The following DUSP16 variants were observed in gnomAD, a reference collection of about 807,000 sequenced individuals.
DUSP16 encodes dual specificity phosphatase 16.
A neutral mutation model predicts 58.3 loss-of-function variants in DUSP16; 21 were observed. That is an observed-to-expected ratio of 0.36 (90% CI 0.26 to 0.52). The LOEUF (loss-of-function observed/expected upper bound fraction) is 0.52, where lower values mean the gene tolerates loss of function less well. DUSP16 is among the 20% of genes least tolerant of loss of function. DUSP16 has a pLI of 0.94. For synonymous variants in DUSP16, 320 were observed against 323.8 expected (o/e 0.99, Z 0.12); for missense variants, 726 against 819.0 (o/e 0.89, Z 1.39).
intron 5 of DUSP16, among the ~76,000 whole-genome samples, chr12:12,484,439 T>C (rs1461940584): frequency 6.6e-6 from 1 of 152,126 alleles, no homozygotes; most frequent in African/African-American, 2.4e-5. Context: ...AGCAAAGTTA[T>C]TCATATTCTC....
At chr12:12,479,832 C>T (rs1376862349) in intron 6 of DUSP16, among the ~76,000 whole-genome samples, 1 of 152,122 alleles carries the variant, frequency 6.6e-6, no homozygotes, top group African/African-American at 2.4e-5. Context: ...CCCAGCAATC[C>T]AAAGTTTGAA....
chr12:12,527,272 A>C (rs1356087358), intron 1 of DUSP16, among the ~76,000 whole-genome samples: 1 of 152,238 alleles, frequency 6.6e-6, no homozygotes, highest in Admixed American at 6.5e-5. Flanking sequence ...GGCTTTCAAT[A>C]ACAGGAAAAA....
intron 1 of DUSP16, among the ~76,000 whole-genome samples, chr12:12,556,165 A>C (rs1944802864): frequency 6.6e-6 from 1 of 152,224 alleles, no homozygotes; most frequent in Admixed American, 6.5e-5. Context: ...TTGTAGATGA[A>C]AATTGGTTAG....
chr12:12,534,218 C>T (rs1014166385), intron 1 of DUSP16, among the ~76,000 whole-genome samples: 2 of 152,228 alleles, frequency 1.3e-5, no homozygotes, highest in East Asian at 1.9e-4. Flanking sequence ...GCAACAGCAT[C>T]GCTGTTCATT....
intron 1 of DUSP16, among the ~76,000 whole-genome samples, chr12:12,536,699 C>T (rs1006686169): frequency 1.3e-5 from 2 of 151,844 alleles, no homozygotes; most frequent in African/African-American, 4.8e-5. Context: ...GAGCCAAGAT[C>T]GCTGCCATTG....
At chr12:12,529,729 T>A (rs1205226406) in intron 1 of DUSP16, among the ~76,000 whole-genome samples, 1 of 152,212 alleles carries the variant, frequency 6.6e-6, no homozygotes, top group Non-Finnish European at 1.5e-5. Flanking sequence ...CATTCTACTC[T>A]CTACTTCCAT....
chr12:12,523,778 A>G (rs1287794464), intron 1 of DUSP16, among the ~76,000 whole-genome samples: 1 of 152,190 alleles, frequency 6.6e-6, no homozygotes, highest in East Asian at 1.9e-4. Context: ...TCCTGTATTC[A>G]GATTGTCTGA....
chr12:12,506,998 T>C (rs1944006725), intron 3 of DUSP16, among the ~76,000 whole-genome samples: 1 of 152,132 alleles, frequency 6.6e-6, no homozygotes, highest in South Asian at 2.1e-4. Flanking sequence ...ATTCCAATTA[T>C]AAATATGATT....
rs551073946 is a variant in DUSP16, at chr12:12,536,907, C to T, written c.-365-15444G>A. Among the ~76,000 whole-genome samples, 17 of 152,194 alleles carry T rather than the reference C, an allele frequency of 1.1e-4. No homozygotes were observed. In the South Asian group the frequency reaches 2.1e-3, roughly 19 times the overall value. On this transcript the variant is annotated intron_variant, in intron 1 of 6. Coordinates refer to ENST00000298573, the MANE Select transcript of DUSP16 (RefSeq NM_030640.3). ...CACAAAAATTAGCCAGGCATGGTGG[C>T]GCATTCCTGTAAGCCCAGCTACTCG... is the stretch of plus-strand genomic sequence containing the variant.
rs187038922 is a variant in DUSP16, at chr12:12,543,556, T to G, written c.-366+18561A>C. Among the ~76,000 whole-genome samples the G allele has an allele frequency of 9.8e-5, 15 of 152,304 alleles. No individual in the cohort carries two copies. The East Asian group carries it at 2.3e-3, about 23-fold the overall frequency. On this transcript the variant is annotated intron_variant, in intron 1 of 6. Coordinates refer to ENST00000298573, the MANE Select transcript of DUSP16 (RefSeq NM_030640.3). ...TAAATACCTGCCCAAGTATATTATGTGAAATACTTTTCCCTGTAACATGTT... is the reference window on the plus strand; with the variant it reads ...TAAATACCTGCCCAAGTATATTATGGGAAATACTTTTCCCTGTAACATGTT...
chr12:12,529,013 T>A (rs1395481797), intron 1 of DUSP16, among the ~76,000 whole-genome samples: 1 of 152,184 alleles, frequency 6.6e-6, no homozygotes, highest in East Asian at 1.9e-4. Context: ...AATGCTGAAT[T>A]GGGCAAATAC....
intron 4 of DUSP16, among the ~76,000 whole-genome samples, chr12:12,495,174 CTTG>C (rs570866736): frequency 1.1e-3 from 148 of 130,998 alleles, no homozygotes; most frequent in African/African-American, 4.2e-3. Context: ...CTTATTTTAT[CTTG>C]TTGTAAAAAT....
At chr12:12,540,530 CT>C (rs1944536177) in intron 1 of DUSP16, among the ~76,000 whole-genome samples, 1 of 152,134 alleles carries the variant, frequency 6.6e-6, no homozygotes, top group African/African-American at 2.4e-5. Flanking sequence ...CTGTGCAAGG[CT>C]TTTTGCTCAA....
At chr12:12,526,335 C>A (rs1347386807) in intron 1 of DUSP16, among the ~76,000 whole-genome samples, 2 of 152,014 alleles carry the variant, frequency 1.3e-5, no homozygotes, top group Non-Finnish European at 2.9e-5. Context: ...TATTTAGATT[C>A]CATTTGGTTA....
chr12:12,539,424 A>G (rs997263662), intron 1 of DUSP16, among the ~76,000 whole-genome samples: 1 of 152,186 alleles, frequency 6.6e-6, no homozygotes, highest in Non-Finnish European at 1.5e-5. Context: ...GAAGCAATCT[A>G]GTTTCCAATC....
intron 1 of DUSP16, among the ~76,000 whole-genome samples, chr12:12,551,000 A>G (rs2136266904): frequency 6.6e-6 from 1 of 152,306 alleles, no homozygotes; most frequent in South Asian, 2.1e-4. Context: ...ATTCTGTATG[A>G]TGAAATAGGA....
At chr12:12,520,148 T>G in intron 2 of DUSP16, 148 bp from the exon 3 acceptor site, 1 of 851,498 alleles carries the variant, frequency 1.2e-6, no homozygotes, top group Non-Finnish European at 1.8e-6. Flanking sequence ...ATGTAGTCAA[T>G]TTACGAGACA....
Position 12,478,401 on chromosome 12 carries a change from T to C in DUSP16, c.816-386A>G, listed in dbSNP as rs541576765. Among the ~76,000 whole-genome samples the C allele has an allele frequency of 9.9e-5, 15 of 152,098 alleles. 1 individual carries two copies. The East Asian group carries it at 2.5e-3, about 25-fold the overall frequency. On this transcript the variant is annotated intron_variant, in intron 6 of 6. Transcript: ENST00000298573. The stretch of plus-strand genomic sequence containing the variant: ...AGGCTGGAATACAGTGGCATGATCA[T>C]AGCTCACTGCAGCCTCGAATTCCTG...
chr12:12,518,180 A>G (rs1944181614), intron 3 of DUSP16, among the ~76,000 whole-genome samples: 1 of 152,186 alleles, frequency 6.6e-6, no homozygotes, highest in South Asian at 2.1e-4. Context: ...TGGTGGGATA[A>G]CCACTCTGTC....
Sources: allele counts gnomAD v4.1 joint callset (sites outside exome capture counted in the v4.1 genomes callset), GRCh38; gene constraint gnomAD v4.1.1; transcripts MANE v1.5; gene names NCBI Gene and HGNC (gene_info 2026-07-23, HGNC 2026-07-21).